The following KCTD16 variants were observed in gnomAD, a reference collection of about 807,000 sequenced individuals.
The protein encoded by KCTD16 is potassium channel tetramerization domain containing 16, also known as BTB/POZ domain-containing protein KCTD16.
In KCTD16, 13 loss-of-function variants were observed where a neutral mutation model predicts 33.2. The observed-to-expected ratio is 0.39, with a 90% CI of 0.25 to 0.62. The LOEUF (loss-of-function observed/expected upper bound fraction) is 0.62, where lower values mean the gene tolerates loss of function less well. Ranked by LOEUF, KCTD16 falls within the 20% of genes least tolerant of loss-of-function variation. The pLI is 0.50. For synonymous variants in KCTD16, 197 were observed against 195.3 expected, an observed-to-expected ratio of 1.01 and a Z score of -0.07; for missense variants, 441 against 525.1, an observed-to-expected ratio of 0.84 and a Z score of 1.57.
chr5:144,271,998 G>A (rs1427793564), intron 3 of KCTD16, among the ~76,000 whole-genome samples: 1 of 152,044 alleles, frequency 6.6e-6, no homozygotes, highest in Non-Finnish European at 1.5e-5. Flanking sequence ...ACAAAACCCT[G>A]CTGAAATAAA....
chr5:144,439,042 T>C (rs1753641903), intron 3 of KCTD16, among the ~76,000 whole-genome samples: 2 of 151,900 alleles, frequency 1.3e-5, no homozygotes, highest in Non-Finnish European at 2.9e-5. Flanking sequence ...TGTTTTTTTT[T>C]TCTTTTTTTC....
At chr5:144,257,825 A>G (rs559387330) in intron 3 of KCTD16, among the ~76,000 whole-genome samples, 2 of 152,264 alleles carry the variant, frequency 1.3e-5, no homozygotes, top group South Asian at 2.1e-4. Context: ...GAATCAGCTT[A>G]TCATAATGAG....
chr5:144,209,959 G>A (rs190433671), intron 3 of KCTD16, among the ~76,000 whole-genome samples: 2 of 149,790 alleles, frequency 1.3e-5, no homozygotes, highest in African/African-American at 4.9e-5. Flanking sequence ...AACAATTTAA[G>A]CAATCAGTCT....
At chr5:144,456,882 C>G (rs1754078021) in intron 3 of KCTD16, among the ~76,000 whole-genome samples, 1 of 151,522 alleles carries the variant, frequency 6.6e-6, no homozygotes, top group Non-Finnish European at 1.5e-5. Context: ...CCTCAATATT[C>G]TGTCACACCT....
chr5:144,295,508 T>A (rs1006744872), intron 3 of KCTD16, among the ~76,000 whole-genome samples: 1 of 152,062 alleles, frequency 6.6e-6, no homozygotes, highest in Admixed American at 6.6e-5. Context: ...GGAGGGTAAA[T>A]TACCTCTCAG....
At chr5:144,313,154 A>G (rs961539603) in intron 3 of KCTD16, among the ~76,000 whole-genome samples, 1 of 152,188 alleles carries the variant, frequency 6.6e-6, no homozygotes, top group Admixed American at 6.6e-5. Context: ...AGTAAAAGTG[A>G]GTAGGAATGT....
chr5:144,347,332 C>T (rs944540291), intron 3 of KCTD16, among the ~76,000 whole-genome samples: 5 of 152,182 alleles, frequency 3.3e-5, no homozygotes, highest in African/African-American at 4.8e-5. Context: ...CAGTGGCTCA[C>T]GCCTGTAATC....
intron 2 of KCTD16, among the ~76,000 whole-genome samples, chr5:144,201,528 T>A (rs749093187): frequency 6.6e-6 from 1 of 152,236 alleles, no homozygotes; most frequent in Admixed American, 6.5e-5. Flanking sequence ...GCATGAACAC[T>A]AATGACATTT....
intron 3 of KCTD16, among the ~76,000 whole-genome samples, chr5:144,357,500 T>A (rs562128080): frequency 6.6e-6 from 1 of 152,294 alleles, no homozygotes; most frequent in Non-Finnish European, 1.5e-5. Flanking sequence ...TAAAACACTC[T>A]AGCCATCAAA....
chr5:144,439,405 A>T (rs1753650084), intron 3 of KCTD16: 2 of 469,124 alleles, frequency 4.3e-6, no homozygotes, highest in Non-Finnish European at 8.4e-6. Context: ...TGAGTCCATT[A>T]TATGAACCAT....
intron 3 of KCTD16, among the ~76,000 whole-genome samples, chr5:144,466,903 T>C (rs171201): frequency 0.44 from 64,116 of 145,062 alleles, 14,519 homozygotes; most frequent in East Asian, 0.67. Context: ...ATAGTATCTA[T>C]TATTAGAATT....
rs1754645037 is a variant in KCTD16 at position 144,478,737 on chromosome 5, TCA to T, written c.*4624_*4625del. 1.3e-5 allele frequency: 2 copies of T among 152,062 alleles called. No individual in the cohort carries two copies. Among genetic ancestry groups the T allele is most frequent in the Non-Finnish European group, 2.9e-5 (2 of 67,954 alleles). 9.4% of individuals were successfully genotyped at this position (152,062 alleles called of 1,614,324 possible). A position where few individuals can be genotyped will look rare whatever the true frequency, so the allele number is the denominator to read the frequency against. On this transcript the variant is annotated 3_prime_UTR_variant, in exon 4 of 4. Transcript: ENST00000512467. Reference sequence around the variant, plus strand: ...TCCTTTACTCCTTAGAAGCACTTCCTCATTTTCTCTTACTTTCTTCCCACTAC... The same window carrying T: ...TCCTTTACTCCTTAGAAGCACTTCCTTTTTCTCTTACTTTCTTCCCACTAC...
At chr5:144,417,254 T>A (rs577222985) in intron 3 of KCTD16, among the ~76,000 whole-genome samples, 6 of 152,290 alleles carry the variant, frequency 3.9e-5, no homozygotes, top group Admixed American at 3.3e-4. Context: ...TTCTAATTTC[T>A]TTACCTCTTC....
At chr5:144,204,887 AAC>A (rs1753125393) in intron 2 of KCTD16, among the ~76,000 whole-genome samples, 1 of 152,242 alleles carries the variant, frequency 6.6e-6, no homozygotes, top group Admixed American at 6.5e-5. Flanking sequence ...GATTAAAAAA[AAC>A]ACTGTGTAGT....
At chr5:144,314,927 CT>C (rs1350581597) in intron 3 of KCTD16, among the ~76,000 whole-genome samples, 3 of 152,118 alleles carry the variant, frequency 2.0e-5, no homozygotes, top group Non-Finnish European at 4.4e-5. Flanking sequence ...GACTTCTGTC[CT>C]GCTGAAGCTT....
At chr5:144,358,090 ATTTTTTTTTT>A (rs539287370) in intron 3 of KCTD16, among the ~76,000 whole-genome samples, 11 of 114,430 alleles carry the variant, frequency 9.6e-5, no homozygotes, top group African/African-American at 1.5e-4. Context: ...CACCCGGCTA[ATTTTTTTTTT>A]TTTTTTTTTT....
At chr5:144,226,106 C>T (rs1360370409) in intron 3 of KCTD16, among the ~76,000 whole-genome samples, 1 of 152,186 alleles carries the variant, frequency 6.6e-6, no homozygotes. Context: ...TTACCTTTCT[C>T]TGCAATGAAC....
At chr5:144,278,323 T>C (rs1755495207) in intron 3 of KCTD16, among the ~76,000 whole-genome samples, 1 of 152,008 alleles carries the variant, frequency 6.6e-6, no homozygotes, top group South Asian at 2.1e-4. Context: ...TGTGTGTCTA[T>C]TTCTAGAATC....
At chr5:144,286,332 A>G (rs1755745442) in intron 3 of KCTD16, among the ~76,000 whole-genome samples, 2 of 152,102 alleles carry the variant, frequency 1.3e-5, no homozygotes, top group Non-Finnish European at 2.9e-5. Context: ...CATCACTGTA[A>G]TTTCTACTGT....
Sources: allele counts gnomAD v4.1 joint callset (sites outside exome capture counted in the v4.1 genomes callset), GRCh38; gene constraint gnomAD v4.1.1; transcripts MANE v1.5; gene names NCBI Gene and HGNC (gene_info 2026-07-23, HGNC 2026-07-21).